The following KCNIP4 variants were observed in gnomAD, a reference collection of about 807,000 sequenced individuals.
The protein encoded by KCNIP4 is potassium voltage-gated channel interacting protein 4, also known as Kv channel-interacting protein 4.
A neutral mutation model predicts 34.0 loss-of-function variants in KCNIP4; 12 were observed. That is an observed-to-expected ratio of 0.35 (90% CI 0.23 to 0.57). The LOEUF (loss-of-function observed/expected upper bound fraction) is 0.57. Among genes scored for constraint, KCNIP4 ranks in the 20% least tolerant of loss-of-function variants. The probability of loss-of-function intolerance (pLI) is 0.83; values close to 1 mark genes in which losing one functional copy is unlikely to be tolerated. For missense variants in KCNIP4, 238 were observed against 311.7 expected (o/e 0.76, Z 1.78); for synonymous variants, 124 against 102.2 (o/e 1.21, Z -1.29).
At chr4:20,831,074 G>T (rs1296709514) in intron 3 of KCNIP4, among the ~76,000 whole-genome samples, 1 of 152,146 alleles carries the variant, frequency 6.6e-6, no homozygotes, top group East Asian at 1.9e-4. Context: ...TCTTAAGGGA[G>T]CTGTGACTGT....
chr4:20,880,375 G>T (rs553372474), intron 2 of KCNIP4, among the ~76,000 whole-genome samples: 1 of 152,284 alleles, frequency 6.6e-6, no homozygotes, highest in African/African-American at 2.4e-5. Context: ...GTCTTATGGG[G>T]TCCACAAATC....
chr4:20,861,062 G>A (rs1248571108), intron 2 of KCNIP4, among the ~76,000 whole-genome samples: 2 of 152,094 alleles, frequency 1.3e-5, no homozygotes, highest in Non-Finnish European at 2.9e-5. Context: ...AATCAGCTGA[G>A]GAAATAGTTT....
At chr4:21,349,039 T>C (rs538348372) in intron 1 of KCNIP4, among the ~76,000 whole-genome samples, 1 of 152,304 alleles carries the variant, frequency 6.6e-6, no homozygotes, top group African/African-American at 2.4e-5. Flanking sequence ...GGAGATTAAA[T>C]AAGATATGGT....
intron 1 of KCNIP4, among the ~76,000 whole-genome samples, chr4:21,552,641 C>T (rs545545279): frequency 1.7e-4 from 26 of 152,156 alleles, no homozygotes; most frequent in Admixed American, 1.0e-3. Context: ...ATTTATAAAG[C>T]GGGATAGAGG....
chr4:21,507,415 C>A (rs1395035592), intron 1 of KCNIP4, among the ~76,000 whole-genome samples: 1 of 151,910 alleles, frequency 6.6e-6, no homozygotes, highest in African/African-American at 2.4e-5. Flanking sequence ...CAGGGACATG[C>A]CGACACGACC....
At chr4:20,996,940 G>A (rs529284781) in intron 1 of KCNIP4, among the ~76,000 whole-genome samples, 4 of 152,140 alleles carry the variant, frequency 2.6e-5, no homozygotes, top group South Asian at 4.1e-4. Flanking sequence ...GATGGCATAA[G>A]ACAGGGTTCT....
chr4:21,109,052 A>C (rs1336747941), intron 1 of KCNIP4, among the ~76,000 whole-genome samples: 4 of 152,182 alleles, frequency 2.6e-5, no homozygotes, highest in Admixed American at 2.0e-4. Context: ...GTCAGGGGTC[A>C]GGGACCCACT....
intron 1 of KCNIP4, among the ~76,000 whole-genome samples, chr4:20,946,759 T>A (rs966648666): frequency 1.3e-5 from 2 of 152,122 alleles, no homozygotes; most frequent in Admixed American, 6.5e-5. Context: ...AATACATTCA[T>A]TGGTGTGAGT....
intron 1 of KCNIP4, among the ~76,000 whole-genome samples, chr4:21,185,208 G>C (rs557635510): frequency 6.6e-6 from 1 of 152,060 alleles, no homozygotes; most frequent in South Asian, 2.1e-4. Context: ...TATGATGAAC[G>C]CTTTCATTTT....
chr4:21,445,985 A>G (rs1414794047), intron 1 of KCNIP4, among the ~76,000 whole-genome samples: 1 of 152,236 alleles, frequency 6.6e-6, no homozygotes, highest in East Asian at 1.9e-4. Context: ...ACACTTCTCA[A>G]AAGAAGACAT....
Position 21,603,299 on chromosome 4 carries a change from T to C in KCNIP4, c.61+345272A>G, listed in dbSNP as rs541382992. ...GCAAGTCACATAAAGCCATAAGAGA[T>C]CATAGAGATCACTAAAATTTATTCA... On this transcript the variant is annotated intron_variant, in intron 1 of 8. Coordinates refer to ENST00000382152, the MANE Select transcript of KCNIP4 (RefSeq NM_025221.6). Among the ~76,000 whole-genome samples, 5 of 151,976 alleles carry C rather than the reference T, an allele frequency of 3.3e-5. No homozygotes were observed. The South Asian group carries it at 6.2e-4, about 19-fold the overall frequency.
intron 1 of KCNIP4, among the ~76,000 whole-genome samples, chr4:21,302,110 G>A (rs756952864): frequency 1.3e-5 from 2 of 152,120 alleles, no homozygotes; most frequent in Non-Finnish European, 2.9e-5. Context: ...ATTGTAAAAC[G>A]TAAAGTACAA....
rs149709401 is a variant in KCNIP4 at position 21,448,742 on chromosome 4, G to T, written c.61+499829C>A. ...CTTTTTACTTCTGCTCAAGAGATTA[G>T]ACATATAGCTGAGGGATCCACTCAA... On this transcript the variant is annotated intron_variant, in intron 1 of 8. Coordinates refer to ENST00000382152, the MANE Select transcript of KCNIP4 (RefSeq NM_025221.6). 4.0e-3 allele frequency among the ~76,000 whole-genome samples: 615 copies of T among 152,218 alleles called. 13 individuals carry two copies. The highest frequency in any genetic ancestry group is 0.014 in the African/African-American group (570 of 41,516).
At chr4:21,046,457 G>A (rs1449146905) in intron 1 of KCNIP4, among the ~76,000 whole-genome samples, 2 of 152,022 alleles carry the variant, frequency 1.3e-5, no homozygotes, top group Non-Finnish European at 2.9e-5. Context: ...TCTGTTTTGA[G>A]TTTCAAAGTC....
intron 1 of KCNIP4, among the ~76,000 whole-genome samples, chr4:21,720,716 G>T (rs1577900967): frequency 2.9e-5 from 4 of 139,276 alleles, no homozygotes; most frequent in Admixed American, 1.6e-4. Flanking sequence ...GTGTGTGATG[G>T]TCCCCTTCCT....
intron 1 of KCNIP4, among the ~76,000 whole-genome samples, chr4:21,484,610 G>A (rs1459214393): frequency 6.6e-6 from 1 of 152,012 alleles, no homozygotes; most frequent in Non-Finnish European, 1.5e-5. Context: ...TTGGTCGGGG[G>A]TCATTCCCGC....
intron 1 of KCNIP4, among the ~76,000 whole-genome samples, chr4:21,446,481 T>C (rs1254017095): frequency 3.3e-5 from 5 of 151,978 alleles, no homozygotes; most frequent in South Asian, 2.1e-4. Context: ...TGTAGGGACA[T>C]GGATGAAGCT....
intron 1 of KCNIP4, among the ~76,000 whole-genome samples, chr4:21,259,747 C>G (rs1277946491): frequency 6.6e-6 from 1 of 152,132 alleles, no homozygotes; most frequent in African/African-American, 2.4e-5. Context: ...ATTTTAGCCT[C>G]AGCTCTTTGC....
chr4:21,069,115 G>C (rs565970478), intron 1 of KCNIP4, among the ~76,000 whole-genome samples: 7 of 152,260 alleles, frequency 4.6e-5, no homozygotes, highest in Admixed American at 2.0e-4. Context: ...AAAATGCATA[G>C]ATAACTACTG....
Sources: gnomAD v4.1 joint callset for allele counts (sites outside exome capture counted in the v4.1 genomes callset) on GRCh38, gnomAD v4.1.1 for gene constraint, MANE v1.5 for transcripts, NCBI Gene and HGNC (gene_info 2026-07-23, HGNC 2026-07-21) for gene names.